MGMT: variants seen among roughly 807,000 people sequenced by gnomAD.
The protein encoded by MGMT is O-6-methylguanine-DNA methyltransferase.
A neutral mutation model predicts 15.9 loss-of-function variants in MGMT; 14 were observed. The ratio of observed to expected loss-of-function variants is 0.88; its 90% CI spans 0.58 to 1.37. MGMT has a LOEUF of 1.37. Among genes scored for constraint, MGMT ranks in the 40% most tolerant of loss-of-function variants. The pLI, the probability that MGMT is intolerant of heterozygous loss-of-function variation, is 0.00. For synonymous variants in MGMT, 130 were observed against 118.2 expected (o/e 1.10, Z -0.65); for missense variants, 282 against 268.1 (o/e 1.05, Z -0.36).
intron 1 of MGMT, among the ~76,000 whole-genome samples, chr10:129,514,486 A>G (rs1471120522): frequency 1.3e-5 from 2 of 152,176 alleles, no homozygotes; most frequent in Admixed American, 6.5e-5. Context: ...ATTTTTCTAT[A>G]TTAAACATTA....
intron 1 of MGMT, among the ~76,000 whole-genome samples, chr10:129,481,249 T>G (rs1404318180): frequency 3.3e-5 from 5 of 152,226 alleles, no homozygotes; most frequent in Non-Finnish European, 5.9e-5. Context: ...CTGCAGTGAA[T>G]ATGGTGGATA....
intron 2 of MGMT, among the ~76,000 whole-genome samples, chr10:129,656,171 A>C (rs1471994441): frequency 6.6e-6 from 1 of 152,206 alleles, no homozygotes; most frequent in African/African-American, 2.4e-5. Flanking sequence ...GGACTATGGC[A>C]CTACAGTTCT....
chr10:129,664,249 A>T (rs1276826742), intron 2 of MGMT, among the ~76,000 whole-genome samples: 10 of 152,170 alleles, frequency 6.6e-5, no homozygotes, highest in Non-Finnish European at 4.4e-5. Flanking sequence ...TAAACACTGT[A>T]CTCTGATGAC....
intron 2 of MGMT, among the ~76,000 whole-genome samples, chr10:129,578,761 A>G (rs1034479030): frequency 6.6e-6 from 1 of 152,252 alleles, no homozygotes; most frequent in Non-Finnish European, 1.5e-5. Flanking sequence ...AGGATTATTA[A>G]GCAACTAAAA....
At chr10:129,621,991 G>A (rs1044001552) in intron 2 of MGMT, among the ~76,000 whole-genome samples, 4 of 152,190 alleles carry the variant, frequency 2.6e-5, no homozygotes, top group African/African-American at 4.8e-5. Flanking sequence ...CTAAAGAGTA[G>A]CAATTGATTG....
chr10:129,517,885 G>T (rs1176280176), intron 1 of MGMT, among the ~76,000 whole-genome samples: 1 of 152,236 alleles, frequency 6.6e-6, no homozygotes, highest in Non-Finnish European at 1.5e-5. Flanking sequence ...GTTTCCCACA[G>T]AAGTTTTCCC....
At chr10:129,739,316 G>A (rs11595599) in intron 3 of MGMT, among the ~76,000 whole-genome samples, 26,002 of 152,218 alleles carry the variant, frequency 0.17, 2,768 homozygotes, top group Middle Eastern at 0.34. Flanking sequence ...AATCAGGCAA[G>A]AGAAAGAAAT....
chr10:129,485,586 C>G (rs1403989431), intron 1 of MGMT, among the ~76,000 whole-genome samples: 2 of 152,232 alleles, frequency 1.3e-5, no homozygotes, highest in African/African-American at 4.8e-5. Flanking sequence ...AAAGGAAATG[C>G]TTATTGGAGC....
Position 129,498,864 on chromosome 10 carries a change from C to T in MGMT, c.-13+31568C>T, listed in dbSNP as rs535454224. On this transcript the variant is annotated intron_variant, in intron 1 of 4. Coordinates refer to ENST00000651593, the MANE Select transcript of MGMT (RefSeq NM_002412.5). ...GCTGCTGAGTCACTGCTCTTCCTGC[C>T]CTTCTCAGTAGGGGGAGCTAGGGGC... is the stretch of plus-strand genomic sequence containing the variant. Among the ~76,000 whole-genome samples, 4 of 152,260 alleles carry T rather than the reference C, an allele frequency of 2.6e-5. No homozygotes were observed. In the East Asian group the frequency reaches 7.7e-4, roughly 29 times the overall value.
At chr10:129,647,455 G>A (rs978365584) in intron 2 of MGMT, among the ~76,000 whole-genome samples, 4 of 152,154 alleles carry the variant, frequency 2.6e-5, no homozygotes, top group Admixed American at 2.0e-4. Flanking sequence ...TGCGCTAGGG[G>A]GTCAGCAGCT....
intron 2 of MGMT, among the ~76,000 whole-genome samples, chr10:129,667,216 G>A (rs1464590824): frequency 1.3e-5 from 2 of 152,136 alleles, no homozygotes; most frequent in South Asian, 4.1e-4. Flanking sequence ...ATCTTTTCCT[G>A]CTGCTGCTCC....
chr10:129,633,039 G>A (rs1292047554), intron 2 of MGMT, among the ~76,000 whole-genome samples: 1 of 152,166 alleles, frequency 6.6e-6, no homozygotes, highest in Non-Finnish European at 1.5e-5. Flanking sequence ...AATATTTGGT[G>A]TTTTGAAGGA....
At chr10:129,472,548 C>T (rs963453541) in intron 1 of MGMT, among the ~76,000 whole-genome samples, 1 of 152,124 alleles carries the variant, frequency 6.6e-6, no homozygotes, top group African/African-American at 2.4e-5. Context: ...GGCATGTGCA[C>T]GGTGGTCAGA....
chr10:129,728,126 G>C (rs1454559443), intron 3 of MGMT, among the ~76,000 whole-genome samples: 1 of 152,184 alleles, frequency 6.6e-6, no homozygotes, highest in Non-Finnish European at 1.5e-5. Flanking sequence ...GGGTGAGAGA[G>C]GGAGGAGGGG....
At chr10:129,730,036 G>T (rs1331687126) in intron 3 of MGMT, among the ~76,000 whole-genome samples, 1 of 152,204 alleles carries the variant, frequency 6.6e-6, no homozygotes, top group Non-Finnish European at 1.5e-5. Flanking sequence ...CCTTGTAGAA[G>T]CAGCGTGAAG....
chr10:129,475,152 T>C (rs952796381), intron 1 of MGMT, among the ~76,000 whole-genome samples: 5 of 151,946 alleles, frequency 3.3e-5, no homozygotes, highest in Non-Finnish European at 7.4e-5. Context: ...TGCAGGTGCC[T>C]AGATGGCTGC....
intron 3 of MGMT, among the ~76,000 whole-genome samples, chr10:129,737,812 C>A (rs984334554): frequency 2.0e-5 from 3 of 152,108 alleles, no homozygotes; most frequent in East Asian, 1.9e-4. Flanking sequence ...AGTACCCGGC[C>A]GTGTGAGGTG....
At chr10:129,650,116 G>A (rs1416912846) in intron 2 of MGMT, among the ~76,000 whole-genome samples, 4 of 152,192 alleles carry the variant, frequency 2.6e-5, no homozygotes, top group Admixed American at 6.5e-5. Flanking sequence ...GGCCAGAGCA[G>A]ACTCTCATTC....
rs1847650815 is a variant in MGMT at position 129,665,649 on chromosome 10, A to G, written c.126-42246A>G. 2.0e-5 allele frequency among the ~76,000 whole-genome samples: 3 copies of G among 152,244 alleles called. No individual in the cohort carries two copies. The South Asian group carries it at 6.2e-4, about 32-fold the overall frequency. ...AGGTTTCCTATAAAGGACCACAGGA[A>G]GTGCTTAGGATGATGGAACTCTGGC... On this transcript the variant is annotated intron_variant, in intron 2 of 4. Coordinates refer to ENST00000651593, the MANE Select transcript of MGMT (RefSeq NM_002412.5).
Sources: allele counts gnomAD v4.1 joint callset (sites outside exome capture counted in the v4.1 genomes callset), GRCh38; gene constraint gnomAD v4.1.1; transcripts MANE v1.5; gene names NCBI Gene and HGNC (gene_info 2026-07-23, HGNC 2026-07-21).